The following CEMIP2 variants were observed in gnomAD, a reference collection of about 807,000 sequenced individuals.
CEMIP2 encodes cell migration inducing hyaluronidase 2.
Under a neutral mutation model 146.9 loss-of-function variants are expected in CEMIP2, and 79 were observed. The ratio of observed to expected loss-of-function variants is 0.54; its 90% CI spans 0.45 to 0.65. CEMIP2 has a LOEUF of 0.65. Among genes scored for constraint, CEMIP2 ranks in the 30% least tolerant of loss-of-function variants. The pLI, the probability that CEMIP2 is intolerant of heterozygous loss-of-function variation, is 0.00. For synonymous variants in CEMIP2, 601 were observed against 606.3 expected (o/e 0.99, Z 0.13); for missense variants, 1,596 against 1,696.2 (o/e 0.94, Z 1.04).
At position 71,732,480 on chromosome 9, in the gene CEMIP2, A is replaced by C. The variant is rs775385678; in HGVS notation, c.1434T>G (p.Gly478=). 1 of 1,613,916 alleles carries C rather than the reference A, an allele frequency of 6.2e-7. No homozygotes were observed. Among genetic ancestry groups the C allele is most frequent in the African/African-American group, 1.3e-5 (1 of 75,016 alleles). Residue 478 remains glycine (G), a synonymous_variant, in exon 7 of 24, where the codon GGT becomes GGG. Transcript: ENST00000377044. ...QFLHMGEIID[G]VDMRAEVGIL... is the part of the protein sequence containing the mutation. Reference sequence around the variant, plus strand: ...TTCCAACCTCAGCTCTCATGTCTACACCGTCTATGATCTCACCCATGTGCA... The same window carrying C: ...TTCCAACCTCAGCTCTCATGTCTACCCCGTCTATGATCTCACCCATGTGCA...
At chr9:71,704,373 A>G in intron 18 of CEMIP2, 2 of 572,228 alleles carry the variant, frequency 3.5e-6, no homozygotes, top group Non-Finnish European at 6.2e-6. Flanking sequence ...TATGTGCATA[A>G]TAACTTGACC....
chr9:71,740,809 A>G (rs10746886), intron 4 of CEMIP2, among the ~76,000 whole-genome samples: 134,602 of 151,980 alleles, frequency 0.89, 59,737 homozygotes, highest in Non-Finnish European at 0.92. Flanking sequence ...TGACTGGAAC[A>G]TGCAGTTAGG....
chr9:71,737,155 CA>C (rs34623620), intron 5 of CEMIP2, among the ~76,000 whole-genome samples: 57,065 of 107,278 alleles, frequency 0.53, 14,079 homozygotes, highest in Non-Finnish European at 0.63. Flanking sequence ...AGATCTTTCT[CA>C]AAAAAAAAAA....
intron 10 of CEMIP2, among the ~76,000 whole-genome samples, chr9:71,727,628 T>C (rs552741096): frequency 6.6e-6 from 1 of 151,720 alleles, no homozygotes; most frequent in Non-Finnish European, 1.5e-5. Context: ...TAGCAAACAA[T>C]GCTAGGTATT....
intron 12 of CEMIP2, among the ~76,000 whole-genome samples, chr9:71,719,804 A>G (rs1823178462): frequency 1.4e-5 from 2 of 142,932 alleles, no homozygotes; most frequent in African/African-American, 5.2e-5. Context: ...AGCAGATGGA[A>G]GAGTTCCGGA....
At position 71,718,083 on chromosome 9, in the gene CEMIP2, G is replaced by A. The variant is rs775944276; in HGVS notation, c.2268-4C>T. The A allele has an allele frequency of 4.4e-6, 7 of 1,592,872 alleles. No homozygotes were observed. Among genetic ancestry groups the A allele is most frequent in the South Asian group, 1.2e-5 (1 of 85,524 alleles). ...TGCATCCTGATGAGGTCGAAATCTA[G>A]GGGTTAAAAAAAGAATTTTAAAAAA... On this transcript the variant is annotated splice_polypyrimidine_tract_variant and splice_region_variant and intron_variant, in intron 12 of 23. Coordinates refer to ENST00000377044, the MANE Select transcript of CEMIP2 (RefSeq NM_013390.3).
At position 71,714,956 on chromosome 9, in the gene CEMIP2, G is replaced by A; in HGVS notation, c.2569C>T (p.Pro857Ser). ...TACCTGTTCCTGGGTAATGTTCGAG[G>A]CTTCTGGTCTATTCCTCCAGTGCCT... ...YVGTGGIDQK[P>S]RTLPRNRTFP... Residue 857 changes from proline (P) to serine (S), a missense_variant, in exon 15 of 24, where the codon CCT (proline) becomes TCT (serine). Physicochemically the swap from Pro to Ser is moderately conservative, Grantham distance 74. Transcript: ENST00000377044. 6.2e-7 allele frequency: 1 copy of A among 1,613,554 alleles called. No individual in the cohort carries two copies. The highest frequency in any genetic ancestry group is 1.7e-4 in the Middle Eastern group (1 of 6,060).
intron 1 of CEMIP2, among the ~76,000 whole-genome samples, chr9:71,761,388 T>C (rs1824631748): frequency 6.6e-6 from 1 of 152,200 alleles, no homozygotes; most frequent in Non-Finnish European, 1.5e-5. Context: ...GATGTACAGA[T>C]ACCAAAATGC....
At chr9:71,722,090 T>G (rs1188825657) in intron 12 of CEMIP2, among the ~76,000 whole-genome samples, 1 of 152,292 alleles carries the variant, frequency 6.6e-6, no homozygotes, top group East Asian at 1.9e-4. Flanking sequence ...AACATCTTAG[T>G]TTAACTTATT....
At chr9:71,750,669 ACTCCCAACCTCAGGTGATC>A (rs1564025194) in intron 1 of CEMIP2, among the ~76,000 whole-genome samples, 3 of 150,600 alleles carry the variant, frequency 2.0e-5, no homozygotes, top group African/African-American at 7.3e-5. Flanking sequence ...CTGGTCTCGA[ACTCCCAACCTCAGGTGATC>A]CACCCACCTC....
At position 71,715,079 on chromosome 9, in the gene CEMIP2, A is replaced by T. The variant is rs755736739; in HGVS notation, c.2446T>A (p.Phe816Ile). ...TGGCTGGAACCTTCATCACTTGGGA[A>T]GCTTCCATCACTGTTAAAATGCGAA... ...IGLTFASDGS[F>I]PSDEGSSQEV... The change falls in exon 15 of 24, where the codon TTC becomes ATC. Residue 816 changes from phenylalanine to isoleucine, a missense_variant. Coordinates refer to ENST00000377044, the MANE Select transcript of CEMIP2 (RefSeq NM_013390.3). The T allele has an allele frequency of 1.9e-6, 3 of 1,613,650 alleles. No individual in the cohort carries two copies. Among genetic ancestry groups the T allele is most frequent in the Non-Finnish European group, 2.5e-6 (3 of 1,179,844 alleles).
At chr9:71,728,005 G>C (rs1156561339) in intron 10 of CEMIP2, among the ~76,000 whole-genome samples, 2 of 151,232 alleles carry the variant, frequency 1.3e-5, no homozygotes, top group Non-Finnish European at 2.9e-5. Context: ...AGGTTGCAGT[G>C]AGCCAACATT....
At chr9:71,735,794 A>G (rs1310344007) in intron 5 of CEMIP2, among the ~76,000 whole-genome samples, 4 of 152,124 alleles carry the variant, frequency 2.6e-5, no homozygotes, top group South Asian at 2.1e-4. Flanking sequence ...AAAATAATAC[A>G]TAAAATAACA....
intron 19 of CEMIP2, among the ~76,000 whole-genome samples, chr9:71,700,257 T>C (rs1282346578): frequency 1.3e-5 from 2 of 152,184 alleles, no homozygotes; most frequent in Admixed American, 1.3e-4. Context: ...AAGGTCAACT[T>C]GTAAGATAGC....
intron 10 of CEMIP2, among the ~76,000 whole-genome samples, chr9:71,728,301 ACATATATATATATATACG>A (rs1823503631): frequency 2.9e-5 from 1 of 34,434 alleles, no homozygotes; most frequent in African/African-American, 1.1e-4. Context: ...ATATATATAT[ACATATATATATATATACG>A]TATATATATA....
At chr9:71,698,562 A>C (rs547015459) in intron 19 of CEMIP2, among the ~76,000 whole-genome samples, 1 of 151,986 alleles carries the variant, frequency 6.6e-6, no homozygotes, top group South Asian at 2.1e-4. Context: ...GATTTGGTAA[A>C]TTAGTGTGGT....
intron 6 of CEMIP2, 74 bp downstream of exon 6, chr9:71,734,732 G>A: frequency 7.1e-7 from 1 of 1,407,916 alleles, no homozygotes; most frequent in East Asian, 2.3e-5. Context: ...GTGACTGAGA[G>A]GAAAAAGGAT....
intron 10 of CEMIP2, among the ~76,000 whole-genome samples, chr9:71,727,135 T>C (rs1427402867): frequency 1.3e-5 from 2 of 152,186 alleles, no homozygotes; most frequent in Non-Finnish European, 2.9e-5. Flanking sequence ...AGGACGAACA[T>C]ACATGCAACG....
rs11334265 is a variant in CEMIP2, at chr9:71,741,631, G to GTTTTT, written c.1035-1404_1035-1400dup. On this transcript the variant is annotated intron_variant, in intron 4 of 23. Coordinates refer to ENST00000377044, the MANE Select transcript of CEMIP2 (RefSeq NM_013390.3). Reference sequence around the variant, plus strand: ...CACCATTATTTCTTTTTCTTTTCTGGTTTTTTTTTTTTTTTTTTTTTTTTG... The same window carrying GTTTTT: ...CACCATTATTTCTTTTTCTTTTCTGGTTTTTTTTTTTTTTTTTTTTTTTTTTTTTG... 1.7e-3 allele frequency among the ~76,000 whole-genome samples: 124 copies of GTTTTT among 73,154 alleles called. 6 individuals carry two copies. The highest frequency in any genetic ancestry group is 2.9e-3 in the East Asian group (6 of 2,044). The allele number at this position is 73,154 out of a possible 152,430, so 48.0% of individuals were successfully genotyped here. A position where few individuals can be genotyped will look rare whatever the true frequency, so the allele number is the denominator to read the frequency against.
Sources: allele counts gnomAD v4.1 joint callset (sites outside exome capture counted in the v4.1 genomes callset), GRCh38; gene constraint gnomAD v4.1.1; transcripts MANE v1.5; gene names NCBI Gene and HGNC (gene_info 2026-07-23, HGNC 2026-07-21).